Variants in HS6ST3 observed in about 807,000 individuals in gnomAD.
HS6ST3 encodes heparan-sulfate 6-O-sulfotransferase 3.
Under a neutral mutation model 36.7 loss-of-function variants are expected in HS6ST3, and 12 were observed. The observed-to-expected ratio is 0.33, with a 90% CI of 0.21 to 0.53. HS6ST3 has a LOEUF of 0.53. HS6ST3 is among the 20% of genes least tolerant of loss of function. The pLI is 0.95. For missense variants in HS6ST3, 584 were observed against 640.9 expected (o/e 0.91, Z 0.96); for synonymous variants, 240 against 257.5 (o/e 0.93, Z 0.65).
At chr13:96,703,948 A>G (rs558585652) in intron 1 of HS6ST3, among the ~76,000 whole-genome samples, 2 of 152,190 alleles carry the variant, frequency 1.3e-5, no homozygotes, top group Non-Finnish European at 2.9e-5. Flanking sequence ...CTGCCATGTA[A>G]GACATGCCTT....
At chr13:96,720,095 T>C (rs1429873356) in intron 1 of HS6ST3, among the ~76,000 whole-genome samples, 3 of 152,170 alleles carry the variant, frequency 2.0e-5, no homozygotes, top group Admixed American at 2.0e-4. Flanking sequence ...GCCTTCTTTT[T>C]TACTTCCCTA....
intron 1 of HS6ST3, among the ~76,000 whole-genome samples, chr13:96,693,212 C>T (rs930877464): frequency 1.3e-5 from 2 of 152,114 alleles, no homozygotes; most frequent in African/African-American, 4.8e-5. Flanking sequence ...AGAAACAGAT[C>T]CCAAGCTCAT....
intron 1 of HS6ST3, among the ~76,000 whole-genome samples, chr13:96,094,006 C>T (rs2053777813): frequency 6.6e-6 from 1 of 152,176 alleles, no homozygotes; most frequent in Non-Finnish European, 1.5e-5. Flanking sequence ...AGTCTTTCTG[C>T]TTTTGGTCCC....
chr13:96,352,090 A>G (rs2055186729), intron 1 of HS6ST3, among the ~76,000 whole-genome samples: 1 of 152,242 alleles, frequency 6.6e-6, no homozygotes, highest in Non-Finnish European at 1.5e-5. Flanking sequence ...ATTCAATAAT[A>G]TGAGGAGGTC....
intron 1 of HS6ST3, among the ~76,000 whole-genome samples, chr13:96,382,451 G>C (rs913714156): frequency 1.3e-5 from 2 of 152,120 alleles, no homozygotes; most frequent in African/African-American, 2.4e-5. Flanking sequence ...TGGTATTCTG[G>C]TTATAATGTT....
chr13:96,620,122 C>T (rs2056488765), intron 1 of HS6ST3, among the ~76,000 whole-genome samples: 1 of 152,248 alleles, frequency 6.6e-6, no homozygotes, highest in East Asian at 1.9e-4. Context: ...GATGGGGATG[C>T]CCATGCATGA....
chr13:96,129,813 C>T (rs1300281562), intron 1 of HS6ST3, among the ~76,000 whole-genome samples: 3 of 152,160 alleles, frequency 2.0e-5, no homozygotes, highest in African/African-American at 7.2e-5. Flanking sequence ...TGAAGACAGA[C>T]TCACATAGAG....
intron 1 of HS6ST3, among the ~76,000 whole-genome samples, chr13:96,259,431 G>A (rs940353630): frequency 6.6e-6 from 1 of 152,142 alleles, no homozygotes; most frequent in Non-Finnish European, 1.5e-5. Flanking sequence ...AGTGGCTCTG[G>A]GAAGAGCAAT....
intron 1 of HS6ST3, among the ~76,000 whole-genome samples, chr13:96,812,898 T>C (rs892972784): frequency 5.3e-5 from 8 of 152,186 alleles, no homozygotes; most frequent in Non-Finnish European, 1.0e-4. Flanking sequence ...TCAGTGACTC[T>C]TGGTTATTTG....
At chr13:96,213,734 A>G (rs1343138884) in intron 1 of HS6ST3, among the ~76,000 whole-genome samples, 1 of 152,140 alleles carries the variant, frequency 6.6e-6, no homozygotes. Flanking sequence ...TGTTTAAGGT[A>G]TGTACATTTA....
chr13:96,142,000 A>G (rs1376854549), intron 1 of HS6ST3, among the ~76,000 whole-genome samples: 2 of 145,568 alleles, frequency 1.4e-5, no homozygotes, highest in Non-Finnish European at 3.0e-5. Flanking sequence ...GACAGAGCCA[A>G]TCAAGAAATC....
At chr13:96,325,162 C>G (rs1594753622) in intron 1 of HS6ST3, among the ~76,000 whole-genome samples, 1 of 152,210 alleles carries the variant, frequency 6.6e-6, no homozygotes, top group Non-Finnish European at 1.5e-5. Flanking sequence ...AGAGGGCTGA[C>G]TTTACAAATA....
intron 1 of HS6ST3, among the ~76,000 whole-genome samples, chr13:96,763,462 G>A (rs1877017892): frequency 6.6e-6 from 1 of 150,682 alleles, no homozygotes; most frequent in Non-Finnish European, 1.5e-5. Flanking sequence ...CTGCACTCCA[G>A]CCTGGGCAAC....
intron 1 of HS6ST3, among the ~76,000 whole-genome samples, chr13:96,247,113 C>T (rs1375131914): frequency 1.3e-5 from 2 of 152,054 alleles, no homozygotes; most frequent in South Asian, 2.1e-4. Context: ...ATTTCCTTTC[C>T]CTCTGGTAAT....
chr13:96,765,363 CA>C (rs1299621397), intron 1 of HS6ST3, among the ~76,000 whole-genome samples: 1 of 152,084 alleles, frequency 6.6e-6, no homozygotes, highest in Non-Finnish European at 1.5e-5. Context: ...TGAACCACCG[CA>C]CCCGGCCACA....
intron 1 of HS6ST3, among the ~76,000 whole-genome samples, chr13:96,448,406 C>T (rs2055709741): frequency 6.6e-6 from 1 of 152,120 alleles, no homozygotes; most frequent in African/African-American, 2.4e-5. Flanking sequence ...TTTTAAATTA[C>T]TTATGGCTAA....
intron 1 of HS6ST3, among the ~76,000 whole-genome samples, chr13:96,775,837 A>T (rs1004983437): frequency 6.6e-6 from 1 of 152,186 alleles, no homozygotes; most frequent in African/African-American, 2.4e-5. Flanking sequence ...GACCAAGTGG[A>T]CCTAATAGAC....
In HS6ST3 at chr13:96,163,525, A is replaced by G. The variant is rs1327682664; in HGVS notation, c.707+71956A>G. 3.9e-5 allele frequency among the ~76,000 whole-genome samples: 6 copies of G among 152,152 alleles called. No individual in the cohort carries two copies. The East Asian group carries it at 5.8e-4, about 15-fold the overall frequency. ...ATTACAGGCGTGAGCCACTGCACCC[A>G]GCCCCTGTGATACATTTTTTAAAAA... On this transcript the variant is annotated intron_variant, in intron 1 of 1. Coordinates refer to ENST00000376705, the MANE Select transcript of HS6ST3 (RefSeq NM_153456.4).
intron 1 of HS6ST3, among the ~76,000 whole-genome samples, chr13:96,119,211 A>G (rs1337346416): frequency 1.3e-5 from 2 of 152,116 alleles, no homozygotes; most frequent in African/African-American, 4.8e-5. Flanking sequence ...ATATACATAT[A>G]AAATATAAAT....
Sources: gnomAD v4.1 joint callset for allele counts (sites outside exome capture counted in the v4.1 genomes callset) on GRCh38, gnomAD v4.1.1 for gene constraint, MANE v1.5 for transcripts, NCBI Gene and HGNC (gene_info 2026-07-23, HGNC 2026-07-21) for gene names.